Variants in XIRP2 observed in about 807,000 individuals in gnomAD.
XIRP2 encodes xin actin-binding repeat-containing protein 2.
XIRP2 carries 236 observed loss-of-function variants against 277.0 expected under a neutral mutation model. The ratio of observed to expected loss-of-function variants is 0.85; its 90% CI spans 0.77 to 0.95. The LOEUF is 0.95. Ranked by LOEUF, XIRP2 falls within the 40% of genes least tolerant of loss-of-function variation. The pLI, the probability that XIRP2 is intolerant of heterozygous loss-of-function variation, is 0.00. For synonymous variants in XIRP2, 1,490 were observed against 1,416.5 expected (o/e 1.05, Z -1.17); for missense variants, 4,640 against 4,157.5 (o/e 1.12, Z -3.19).
At chr2:167,035,894 C>T (rs1022389574) in intron 2 of XIRP2, among the ~76,000 whole-genome samples, 1 of 152,218 alleles carries the variant, frequency 6.6e-6, no homozygotes, top group African/African-American at 2.4e-5. Flanking sequence ...CCCTCTGTCC[C>T]AGCTGCTCCA....
At chr2:167,126,354 CA>C (rs1369984813) in intron 2 of XIRP2, among the ~76,000 whole-genome samples, 2 of 152,120 alleles carry the variant, frequency 1.3e-5, no homozygotes, top group African/African-American at 4.8e-5. Context: ...AAAGGTTGGT[CA>C]AGTGCCATTT....
At chr2:167,187,204 T>C in intron 3 of XIRP2, 1 of 973,606 alleles carries the variant, frequency 1.0e-6, no homozygotes, top group South Asian at 4.8e-5. Flanking sequence ...GAGCCATGCA[T>C]ACATTACTGA....
At chr2:167,182,802 T>C (rs2105358611) in intron 3 of XIRP2, among the ~76,000 whole-genome samples, 1 of 152,170 alleles carries the variant, frequency 6.6e-6, no homozygotes, top group East Asian at 1.9e-4. Flanking sequence ...ATGTAAATGG[T>C]TCTCTTAAAG....
rs1053303890 is a variant in XIRP2, at chr2:166,950,039, A to T, written c.408+46149A>T. Among the ~76,000 whole-genome samples the T allele has an allele frequency of 7.9e-5, 12 of 152,142 alleles. No individual in the cohort carries two copies. In the South Asian group the frequency reaches 1.9e-3, roughly 24 times the overall value. On this transcript the variant is annotated intron_variant, in intron 2 of 10. Coordinates refer to ENST00000409195, the MANE Select transcript of XIRP2 (RefSeq NM_152381.6). Reference sequence around the variant, plus strand: ...AGACTGAACATTTGGATATAAAAGGATATGTCATCAGTATAAATAGTACTA... The same window carrying T: ...AGACTGAACATTTGGATATAAAAGGTTATGTCATCAGTATAAATAGTACTA...
intron 2 of XIRP2, among the ~76,000 whole-genome samples, chr2:166,909,326 C>A (rs188772589): frequency 6.6e-6 from 1 of 152,082 alleles, no homozygotes; most frequent in Non-Finnish European, 1.5e-5. Flanking sequence ...TGAAGAGGTC[C>A]TTCACATCCC....
At chr2:167,144,754 G>A (rs1691818531) in intron 3 of XIRP2, among the ~76,000 whole-genome samples, 1 of 151,974 alleles carries the variant, frequency 6.6e-6, no homozygotes, top group South Asian at 2.1e-4. Flanking sequence ...CCCTAATAAT[G>A]ACATATTGCC....
intron 3 of XIRP2, among the ~76,000 whole-genome samples, chr2:167,151,362 T>G (rs903848546): frequency 2.0e-5 from 3 of 152,120 alleles, no homozygotes; most frequent in African/African-American, 7.2e-5. Flanking sequence ...AAATAAATTC[T>G]GAGGCACAAA....
chr2:166,979,318 A>C (rs1686797385), intron 2 of XIRP2, among the ~76,000 whole-genome samples: 1 of 150,132 alleles, frequency 6.7e-6, no homozygotes, highest in African/African-American at 2.4e-5. Context: ...GTAAATCAAC[A>C]CTTGACTAGA....
chr2:166,900,326 C>T (rs375963236), intron 1 of XIRP2, among the ~76,000 whole-genome samples: 12 of 151,918 alleles, frequency 7.9e-5, no homozygotes, highest in African/African-American at 2.2e-4. Flanking sequence ...AATTTTAATT[C>T]GTTTCTTCTT....
At chr2:166,940,993 G>T (rs1205016021) in intron 2 of XIRP2, among the ~76,000 whole-genome samples, 1 of 152,200 alleles carries the variant, frequency 6.6e-6, no homozygotes, top group African/African-American at 2.4e-5. Context: ...AGACATTTAA[G>T]TCTGCAGAGG....
rs142744610 is a variant in XIRP2, at chr2:167,029,935, T to A, written c.409-105974T>A. On this transcript the variant is annotated intron_variant, in intron 2 of 10. Transcript: ENST00000409195. ...GACTTCTTCCTGGTTTTCTTCCTAG[T>A]CTTGGGAGTGTGTATGTGTCCAGGA... is the stretch of plus-strand genomic sequence containing the variant. Among the ~76,000 whole-genome samples the A allele has an allele frequency of 2.6e-5, 4 of 152,208 alleles. No homozygotes were observed. The East Asian group carries it at 7.7e-4, about 29-fold the overall frequency.
chr2:166,976,092 G>A (rs1391196315), intron 2 of XIRP2, among the ~76,000 whole-genome samples: 1 of 152,034 alleles, frequency 6.6e-6, no homozygotes, highest in African/African-American at 2.4e-5. Context: ...TCAGTAATGT[G>A]GAATATGAGA....
intron 2 of XIRP2, among the ~76,000 whole-genome samples, chr2:166,942,796 A>T (rs951577213): frequency 6.6e-6 from 1 of 152,162 alleles, no homozygotes; most frequent in African/African-American, 2.4e-5. Flanking sequence ...TACAAAATAA[A>T]AGCCTTGAAG....
At chr2:167,105,539 TTAAC>T (rs1228463519) in intron 2 of XIRP2, among the ~76,000 whole-genome samples, 1 of 151,954 alleles carries the variant, frequency 6.6e-6, no homozygotes, top group South Asian at 2.1e-4. Flanking sequence ...ACCAGATTGT[TTAAC>T]TATTCACTCC....
At chr2:167,235,087 G>A (rs553353640) in intron 5 of XIRP2, among the ~76,000 whole-genome samples, 1 of 151,916 alleles carries the variant, frequency 6.6e-6, no homozygotes, top group South Asian at 2.1e-4. Context: ...TTAGATTCAG[G>A]AGGGTACATG....
chr2:167,105,724 A>G (rs1690600375), intron 2 of XIRP2, among the ~76,000 whole-genome samples: 1 of 151,828 alleles, frequency 6.6e-6, no homozygotes, highest in African/African-American at 2.4e-5. Context: ...TCAGCTTTTT[A>G]AAACACCCCC....
At chr2:167,166,038 T>C (rs1248264230) in intron 3 of XIRP2, among the ~76,000 whole-genome samples, 1 of 152,212 alleles carries the variant, frequency 6.6e-6, no homozygotes, top group Admixed American at 6.5e-5. Context: ...TCTAGCTTAA[T>C]TTTTGTATAT....
intron 2 of XIRP2, among the ~76,000 whole-genome samples, chr2:166,915,438 T>G (rs1486758815): frequency 6.6e-6 from 1 of 152,174 alleles, no homozygotes; most frequent in African/African-American, 2.4e-5. Context: ...TGTATACAGT[T>G]TTTAAATAAA....
At chr2:167,159,747 A>G (rs1692308701) in intron 3 of XIRP2, among the ~76,000 whole-genome samples, 1 of 152,202 alleles carries the variant, frequency 6.6e-6, no homozygotes, top group Admixed American at 6.5e-5. Context: ...ATTATATTGG[A>G]TGATGCTTTT....
Sources: allele counts gnomAD v4.1 joint callset (sites outside exome capture counted in the v4.1 genomes callset), GRCh38; gene constraint gnomAD v4.1.1; transcripts MANE v1.5; gene names NCBI Gene and HGNC (gene_info 2026-07-23, HGNC 2026-07-21).